The following ANOS1 variants were observed in gnomAD, a reference collection of about 807,000 sequenced individuals.
ANOS1 encodes anosmin 1.
Under a neutral mutation model 59.0 loss-of-function variants are expected in ANOS1, and 6 were observed. The observed-to-expected ratio is 0.10, with a 90% CI of 0.06 to 0.20. The LOEUF is 0.20. Ranked by LOEUF, ANOS1 falls within the 10% of genes least tolerant of loss-of-function variation. The probability of loss-of-function intolerance (pLI) is 1.00; values close to 1 mark genes in which losing one functional copy is unlikely to be tolerated. For synonymous variants in ANOS1, 217 were observed against 223.4 expected (o/e 0.97, Z 0.25); for missense variants, 433 against 542.3 (o/e 0.80, Z 2.00).
intron 1 of ANOS1, among the ~76,000 whole-genome samples, chrX:8,723,780 G>A (rs1298190033): frequency 9.0e-6 from 1 of 111,604 alleles, no homozygotes; most frequent in Non-Finnish European, 1.9e-5. Flanking sequence ...TGCATGCTGA[G>A]TAAATCCAAT....
intron 8 of ANOS1, among the ~76,000 whole-genome samples, chrX:8,565,592 C>T (rs1009104949): frequency 4.3e-4 from 48 of 111,999 alleles, no homozygotes; most frequent in African/African-American, 1.4e-3. Context: ...AAGACAATAG[C>T]GTGAACAAGC....
At chrX:8,628,721 T>C (rs1931436872) in intron 2 of ANOS1, among the ~76,000 whole-genome samples, 1 of 112,646 alleles carries the variant, frequency 8.9e-6, no homozygotes, top group Non-Finnish European at 1.9e-5. Flanking sequence ...AGTTTTAGGA[T>C]GATAGACTAA....
chrX:8,626,181 T>C (rs1931390714), intron 2 of ANOS1, among the ~76,000 whole-genome samples: 1 of 107,953 alleles, frequency 9.3e-6, no homozygotes, highest in African/African-American at 3.4e-5. Flanking sequence ...AGTGTCTTTA[T>C]GGAATAAATG....
chrX:8,708,577 C>A (rs781672851), intron 1 of ANOS1, among the ~76,000 whole-genome samples: 1 of 111,888 alleles, frequency 8.9e-6, no homozygotes, highest in African/African-American at 3.3e-5. Flanking sequence ...CATCTCACAC[C>A]AGTTAGAATG....
At chrX:8,670,937 C>T (rs1164905534) in intron 2 of ANOS1, among the ~76,000 whole-genome samples, 1 of 110,928 alleles carries the variant, frequency 9.0e-6, no homozygotes, top group African/African-American at 3.3e-5. Context: ...CCAACCCTGG[C>T]CAATTTTGCC....
intron 9 of ANOS1, among the ~76,000 whole-genome samples, chrX:8,545,575 ATATT>A (rs1319478147): frequency 8.9e-6 from 1 of 112,341 alleles, no homozygotes; most frequent in East Asian, 2.8e-4. Flanking sequence ...AATGTTGAAA[ATATT>A]TATTTTCTCC....
chrX:8,726,929 A>C (rs995358390), intron 1 of ANOS1, among the ~76,000 whole-genome samples: 10 of 112,014 alleles, frequency 8.9e-5, no homozygotes, highest in South Asian at 7.5e-4. Context: ...ATATGTCAGC[A>C]TCGTACCCTT....
At chrX:8,729,134 A>C (rs978640568) in intron 1 of ANOS1, among the ~76,000 whole-genome samples, 3 of 111,700 alleles carry the variant, frequency 2.7e-5, no homozygotes, top group Non-Finnish European at 5.6e-5. Flanking sequence ...GCAAGGCCTG[A>C]CAGCTTTCAT....
At chrX:8,713,171 T>A (rs1932821737) in intron 1 of ANOS1, among the ~76,000 whole-genome samples, 1 of 111,080 alleles carries the variant, frequency 9.0e-6, no homozygotes, top group African/African-American at 3.3e-5. Context: ...ATGTTTCTGC[T>A]GAGGACACCA....
intron 3 of ANOS1, 136 bp downstream of exon 3, chrX:8,623,472 G>T: frequency 1.9e-6 from 1 of 520,766 alleles, no homozygotes. Flanking sequence ...ATGAATTTAC[G>T]TATATCCACA....
intron 9 of ANOS1, among the ~76,000 whole-genome samples, chrX:8,542,771 G>A (rs1929709267): frequency 9.1e-6 from 1 of 110,187 alleles, no homozygotes; most frequent in African/African-American, 3.3e-5. Context: ...TCTGATTCTT[G>A]CACTCTGCTT....
At chrX:8,637,278 G>T (rs1292418165) in intron 2 of ANOS1, among the ~76,000 whole-genome samples, 4 of 111,848 alleles carry the variant, frequency 3.6e-5, no homozygotes, top group African/African-American at 1.3e-4. Flanking sequence ...TCTTGTGCTT[G>T]TTTTCCCTTG....
chrX:8,570,446 G>A, intron 7 of ANOS1, 53 bp downstream of exon 7: 1 of 1,067,221 alleles, frequency 9.4e-7, no homozygotes, highest in Non-Finnish European at 1.3e-6. Context: ...CAGTTGCCTT[G>A]AGTTGAAATA....
chrX:8,723,533 C>T lies in ANOS1; in HGVS notation c.207+8297G>A, dbSNP rs752693955. On this transcript the variant is annotated intron_variant, in intron 1 of 13. Transcript: ENST00000262648. ...TTTTTAAAGAAAGAAACAGATTCAG[C>T]ACCTATGCAGACAGTGATTTACATG... is the stretch of plus-strand genomic sequence containing the variant. 3.6e-5 allele frequency among the ~76,000 whole-genome samples: 4 copies of T among 112,282 alleles called. No homozygotes were observed. The South Asian group carries it at 1.5e-3, about 41-fold the overall frequency.
At chrX:8,618,892 G>A (rs1396288258) in intron 3 of ANOS1, among the ~76,000 whole-genome samples, 2 of 108,269 alleles carry the variant, frequency 1.8e-5, no homozygotes, top group African/African-American at 6.7e-5. Context: ...GACAAGAGGG[G>A]GAAACCCCAT....
chrX:8,647,126 C>T (rs909291250), intron 2 of ANOS1, among the ~76,000 whole-genome samples: 1 of 109,661 alleles, frequency 9.1e-6, no homozygotes, highest in South Asian at 4.0e-4. Context: ...TACTGACATG[C>T]AGGGCTTATC....
At chrX:8,611,256 AAAAT>A (rs58514297) in intron 3 of ANOS1, among the ~76,000 whole-genome samples, 2 of 103,204 alleles carry the variant, frequency 1.9e-5, no homozygotes, top group Admixed American at 1.1e-4. Flanking sequence ...ACAATGATTT[AAAAT>A]AAATAAATAA....
intron 2 of ANOS1, among the ~76,000 whole-genome samples, chrX:8,680,079 T>A (rs1932398784): frequency 9.7e-6 from 1 of 103,305 alleles, no homozygotes; most frequent in African/African-American, 3.6e-5. Flanking sequence ...GAGAAAGAAT[T>A]GCTTGAACCC....
intron 3 of ANOS1, among the ~76,000 whole-genome samples, chrX:8,621,098 G>A (rs1931283914): frequency 8.9e-6 from 1 of 111,853 alleles, no homozygotes; most frequent in Non-Finnish European, 1.9e-5. Context: ...AGGAGCAGTG[G>A]CTCATGCCTA....
Sources: gnomAD v4.1 joint callset for allele counts (sites outside exome capture counted in the v4.1 genomes callset) on GRCh38, gnomAD v4.1.1 for gene constraint, MANE v1.5 for transcripts, NCBI Gene and HGNC (gene_info 2026-07-23, HGNC 2026-07-21) for gene names.